Variants in ULK4 observed in about 807,000 individuals in gnomAD.
The protein encoded by ULK4 is unc-51 like kinase 4.
ULK4 carries 133 observed loss-of-function variants against 160.6 expected under a neutral mutation model. The ratio of observed to expected loss-of-function variants is 0.83; its 90% CI spans 0.72 to 0.96. The LOEUF (loss-of-function observed/expected upper bound fraction) is 0.96, where lower values mean the gene tolerates loss of function less well. Ranked by LOEUF, ULK4 falls within the 40% of genes least tolerant of loss-of-function variation. The pLI is 0.00. For synonymous variants in ULK4, 534 were observed against 539.8 expected (o/e 0.99, Z 0.15); for missense variants, 1,580 against 1,499.5 (o/e 1.05, Z -0.89).
chr3:41,541,524 C>A (rs1397340269), intron 32 of ULK4, among the ~76,000 whole-genome samples: 1 of 151,820 alleles, frequency 6.6e-6, no homozygotes, highest in Non-Finnish European at 1.5e-5. Context: ...CTTTTCTGGT[C>A]CCGTATGAAA....
At chr3:41,862,530 AG>A (rs2042523306) in intron 17 of ULK4, among the ~76,000 whole-genome samples, 1 of 152,082 alleles carries the variant, frequency 6.6e-6, no homozygotes, top group South Asian at 2.1e-4. Context: ...GCTTATTTGT[AG>A]CCATCCTTCT....
At chr3:41,957,447 T>TGA (rs751821456) in intron 1 of ULK4, among the ~76,000 whole-genome samples, 3 of 17,342 alleles carry the variant, frequency 1.7e-4, no homozygotes, top group Non-Finnish European at 3.3e-4. Flanking sequence ...AGAGCACCAC[T>TGA]CAAAAAAAAA....
intron 35 of ULK4, among the ~76,000 whole-genome samples, chr3:41,273,575 C>G (rs1405007116): frequency 6.6e-6 from 1 of 152,144 alleles, no homozygotes; most frequent in African/African-American, 2.4e-5. Context: ...GCTCTGTCTT[C>G]TGAACATGGA....
intron 32 of ULK4, among the ~76,000 whole-genome samples, chr3:41,555,241 A>G (rs1240370943): frequency 6.6e-6 from 1 of 152,186 alleles, no homozygotes; most frequent in Non-Finnish European, 1.5e-5. Flanking sequence ...ATAAAAATGC[A>G]AAAGTACAAA....
intron 35 of ULK4, among the ~76,000 whole-genome samples, chr3:41,349,927 A>T (rs773133402): frequency 2.0e-5 from 3 of 152,248 alleles, no homozygotes; most frequent in Non-Finnish European, 4.4e-5. Flanking sequence ...CTGAAAAAGA[A>T]GATGAAGATT....
At chr3:41,896,152 A>G (rs1023498272) in intron 15 of ULK4, among the ~76,000 whole-genome samples, 5 of 152,210 alleles carry the variant, frequency 3.3e-5, no homozygotes, top group Non-Finnish European at 4.4e-5. Context: ...AGTTTACCAG[A>G]TGACCCAGTA....
At chr3:41,509,512 G>A (rs564693908) in intron 32 of ULK4, among the ~76,000 whole-genome samples, 11 of 152,120 alleles carry the variant, frequency 7.2e-5, no homozygotes, top group Non-Finnish European at 1.0e-4. Flanking sequence ...CATCACCTTG[G>A]CACACAGTCT....
At chr3:41,771,906 TC>T (rs1024226367) in intron 21 of ULK4, among the ~76,000 whole-genome samples, 5 of 152,150 alleles carry the variant, frequency 3.3e-5, no homozygotes, top group African/African-American at 1.2e-4. Flanking sequence ...TAAGCCCAAA[TC>T]CTTTTTAAGA....
chr3:41,556,056 A>G (rs1243139316), intron 32 of ULK4, among the ~76,000 whole-genome samples: 1 of 152,180 alleles, frequency 6.6e-6, no homozygotes, highest in Non-Finnish European at 1.5e-5. Context: ...AAAGAGGATC[A>G]GGAAAAATAA....
intron 35 of ULK4, among the ~76,000 whole-genome samples, chr3:41,368,959 G>C (rs1335887023): frequency 6.6e-6 from 1 of 152,002 alleles, no homozygotes; most frequent in Non-Finnish European, 1.5e-5. Context: ...TACCCGCTTT[G>C]CTCCTACCTA....
intron 22 of ULK4, among the ~76,000 whole-genome samples, chr3:41,748,433 A>C (rs910329066): frequency 1.2e-4 from 18 of 152,274 alleles, no homozygotes; most frequent in African/African-American, 4.3e-4. Context: ...ATACATTATG[A>C]AAGAAATATT....
At position 41,953,305 on chromosome 3, in the gene ULK4, T is replaced by TATATATATATA. The variant is rs1491089866; in HGVS notation, c.138+1316_138+1317insTATATATATAT. Among the ~76,000 whole-genome samples, 27 of 91,772 alleles carry TATATATATATA rather than the reference T, an allele frequency of 2.9e-4. 1 individual carries two copies. Among genetic ancestry groups the TATATATATATA allele is most frequent in the South Asian group, 2.6e-3 (9 of 3,528 alleles). The allele number at this position is 91,772 out of a possible 152,430, so 60.2% of individuals were successfully genotyped here. ...ATACACATATATATATATATATATA[T>TATATATATATA]TTTTTTTTTTTTTTGAGATGGAGTC... On this transcript the variant is annotated intron_variant, in intron 2 of 36. Coordinates refer to ENST00000301831, the MANE Select transcript of ULK4 (RefSeq NM_017886.4).
intron 32 of ULK4, among the ~76,000 whole-genome samples, chr3:41,530,210 A>G (rs2086255177): frequency 6.6e-6 from 1 of 152,154 alleles, no homozygotes; most frequent in South Asian, 2.1e-4. Context: ...TTCTAATGAA[A>G]TATGTTTTTT....
At chr3:41,927,606 C>G (rs1699430895) in intron 5 of ULK4, among the ~76,000 whole-genome samples, 1 of 150,614 alleles carries the variant, frequency 6.6e-6, no homozygotes, top group Non-Finnish European at 1.5e-5. Context: ...GGAGACCCAT[C>G]TCACGTGCAG....
rs1436253599 is a variant in ULK4, at chr3:41,882,276, G to A, written c.1656+1598C>T. Reference sequence around the variant, plus strand: ...CAAAATCCCGATTCCAATGGAGCTTGTAGTCTAGTGTGGAAAGAGAAATAA... The same window carrying A: ...CAAAATCCCGATTCCAATGGAGCTTATAGTCTAGTGTGGAAAGAGAAATAA... On this transcript the variant is annotated intron_variant, in intron 17 of 36. Coordinates refer to ENST00000301831, the MANE Select transcript of ULK4 (RefSeq NM_017886.4). The A allele has an allele frequency of 1.7e-5, 12 of 702,934 alleles. No homozygotes were observed. In the African/African-American group the frequency reaches 1.9e-4, roughly 11 times the overall value. 43.5% of individuals were successfully genotyped at this position (702,934 alleles called of 1,614,324 possible).
At chr3:41,268,830 A>G (rs1026603927) in intron 35 of ULK4, among the ~76,000 whole-genome samples, 2 of 150,642 alleles carry the variant, frequency 1.3e-5, no homozygotes, top group African/African-American at 4.9e-5. Context: ...AAAAAAAAAA[A>G]AAAAGCCCCA....
chr3:41,829,949 T>C (rs995177175), intron 18 of ULK4, among the ~76,000 whole-genome samples: 7 of 151,840 alleles, frequency 4.6e-5, no homozygotes, highest in Non-Finnish European at 8.8e-5. Flanking sequence ...ATATACACCA[T>C]GGAATACTAT....
chr3:41,732,386 G>T (rs1460663596), intron 22 of ULK4, among the ~76,000 whole-genome samples: 1 of 151,922 alleles, frequency 6.6e-6, no homozygotes, highest in African/African-American at 2.4e-5. Flanking sequence ...CAATCATCAG[G>T]GAAATGCAAA....
At position 41,695,605 on chromosome 3, in the gene ULK4, T is replaced by A. The variant is rs144931263; in HGVS notation, c.2781+9452A>T. Among the ~76,000 whole-genome samples the A allele has an allele frequency of 1.7e-3, 264 of 152,194 alleles. 1 individual carries two copies. The highest frequency in any genetic ancestry group is 3.1e-3 in the Non-Finnish European group (209 of 68,020). On this transcript the variant is annotated intron_variant, in intron 27 of 36. Coordinates refer to ENST00000301831, the MANE Select transcript of ULK4 (RefSeq NM_017886.4). ...TATCAGCACCAAAATAATATAGTAA[T>A]GAAGTCATTGATAAAAACAGGAATC...
Sources: gnomAD v4.1 joint callset for allele counts (sites outside exome capture counted in the v4.1 genomes callset) on GRCh38, gnomAD v4.1.1 for gene constraint, MANE v1.5 for transcripts, NCBI Gene and HGNC (gene_info 2026-07-23, HGNC 2026-07-21) for gene names.